The following KIRREL3 variants were observed in gnomAD, a reference collection of about 807,000 sequenced individuals.
The protein encoded by KIRREL3 is kin of IRRE-like protein 3.
KIRREL3 carries 36 observed loss-of-function variants against 89.7 expected under a neutral mutation model. The ratio of observed to expected loss-of-function variants is 0.40; its 90% confidence interval spans 0.31 to 0.53. KIRREL3 has a LOEUF of 0.53. Among genes scored for constraint, KIRREL3 ranks in the 20% least tolerant of loss-of-function variants. The pLI is 0.49. For missense variants in KIRREL3, 864 were observed against 1,056.6 expected, an observed-to-expected ratio of 0.82 and a Z score of 2.53; for synonymous variants, 445 against 441.4, an observed-to-expected ratio of 1.01 and a Z score of -0.10.
intron 1 of KIRREL3, among the ~76,000 whole-genome samples, chr11:126,599,257 C>T (rs888803237): frequency 2.7e-4 from 41 of 152,336 alleles, no homozygotes; most frequent in African/African-American, 8.9e-4. Flanking sequence ...GGAGTCTGCA[C>T]ACCCAATTTC....
chr11:126,703,603 T>C lies in KIRREL3; in HGVS notation c.56-140691A>G, dbSNP rs565811663. Among the ~76,000 whole-genome samples, 148 of 152,342 alleles carry C rather than the reference T, an allele frequency of 9.7e-4. 1 individual carries two copies. The highest frequency in any genetic ancestry group is 3.4e-3 in the Middle Eastern group (1 of 294). On this transcript the variant is annotated intron_variant, in intron 1 of 16. Transcript: ENST00000525144. The surrounding 1 kb of genome is among the most constrained non-coding windows in gnomAD (Gnocchi z 4.6). ...AGTGATGGGGCTGTAATCCAAATGC[T>C]GGGCTGGCTGACTCCTAAGTTCACA...
chr11:126,981,442 G>A lies in KIRREL3; in HGVS notation c.55+19013C>T, dbSNP rs1403221563. Among the ~76,000 whole-genome samples, 1 of 152,172 alleles carries A rather than the reference G, an allele frequency of 6.6e-6. No homozygotes were observed. Among genetic ancestry groups the A allele is most frequent in the Non-Finnish European group, 1.5e-5 (1 of 68,040 alleles). On this transcript the variant is annotated intron_variant, in intron 1 of 16. Transcript: ENST00000525144. The surrounding 1 kb of genome is among the most constrained non-coding windows in gnomAD (Gnocchi z 4.2). ...GGAAAATGCTCAGGAGGTGTTATAT[G>A]TGGTGTAGCTTAGGATTCCAGGCAG...
Position 126,687,526 on chromosome 11 carries a change from G to A in KIRREL3, c.56-124614C>T, listed in dbSNP as rs1946712144. Among the ~76,000 whole-genome samples, 1 of 152,154 alleles carries A rather than the reference G, an allele frequency of 6.6e-6. No homozygotes were observed. The highest frequency in any genetic ancestry group is 2.4e-5 in the African/African-American group (1 of 41,438). On this transcript the variant is annotated intron_variant, in intron 1 of 16. Coordinates refer to ENST00000525144, the MANE Select transcript of KIRREL3 (RefSeq NM_032531.4). This position sits in a 1 kb window ranked among gnomAD's most constrained non-coding sequence, Gnocchi z 4.6. ...GAGCTGCTAGTTCTGGAAACACTATGGGGGAAATTGCAGGGTTTTCTATTA... is the reference window on the plus strand; with the variant it reads ...GAGCTGCTAGTTCTGGAAACACTATAGGGGAAATTGCAGGGTTTTCTATTA...
intron 2 of KIRREL3, among the ~76,000 whole-genome samples, chr11:126,539,673 G>A (rs1303064503): frequency 2.0e-5 from 3 of 152,190 alleles, no homozygotes; most frequent in Non-Finnish European, 4.4e-5. Flanking sequence ...GCGCGCTTGA[G>A]GTGAGGCAGT....
At chr11:126,503,648 A>G (rs1957932757) in intron 4 of KIRREL3, among the ~76,000 whole-genome samples, 2 of 152,028 alleles carry the variant, frequency 1.3e-5, no homozygotes, top group Non-Finnish European at 2.9e-5. Flanking sequence ...TGCAACTCTA[A>G]CCTCCATTGT....
At chr11:126,698,841 C>A (rs936264837) in intron 1 of KIRREL3, among the ~76,000 whole-genome samples, 20 of 152,208 alleles carry the variant, frequency 1.3e-4, no homozygotes, top group Non-Finnish European at 2.9e-5. Context: ...GTGCACAGAG[C>A]CCAGTAGGAA....
At position 126,776,188 on chromosome 11, in the gene KIRREL3, T is replaced by TCCCTCCTGTGGCTG. The variant is rs1261930919; in HGVS notation, c.56-213290_56-213277dup. 3.3e-5 allele frequency among the ~76,000 whole-genome samples: 5 copies of TCCCTCCTGTGGCTG among 152,160 alleles called. No homozygotes were observed. The highest frequency in any genetic ancestry group is 7.4e-5 in the Non-Finnish European group (5 of 68,020). ...GGTCCAGGCTGGTTGGCAGGTGGCT[T>TCCCTCCTGTGGCTG]CCCTCCTGTGGCTGCTTTCAGGGGC... On this transcript the variant is annotated intron_variant, in intron 1 of 16. Transcript: ENST00000525144. The surrounding 1 kb of genome is among the most constrained non-coding windows in gnomAD (Gnocchi z 4.7).
chr11:126,897,331 C>T lies in KIRREL3; in HGVS notation c.55+103124G>A, dbSNP rs1214856577. Among the ~76,000 whole-genome samples, 1 of 152,102 alleles carries T rather than the reference C, an allele frequency of 6.6e-6. No individual in the cohort carries two copies. The highest frequency in any genetic ancestry group is 6.5e-5 in the Admixed American group (1 of 15,278). On this transcript the variant is annotated intron_variant, in intron 1 of 16. Transcript: ENST00000525144. This position sits in a 1 kb window ranked among gnomAD's most constrained non-coding sequence, Gnocchi z 4.2. ...GGACAGTCATGAGGGGGAGATGACA[C>T]AGTTTAGGACAGGCTTCCCTTTAAG... is the stretch of plus-strand genomic sequence containing the variant.
chr11:126,723,772 A>G lies in KIRREL3; in HGVS notation c.56-160860T>C, dbSNP rs946410231. Among the ~76,000 whole-genome samples the G allele has an allele frequency of 1.3e-5, 2 of 152,358 alleles. No individual in the cohort carries two copies. Among genetic ancestry groups the G allele is most frequent in the Admixed American group, 1.3e-4 (2 of 15,304 alleles). On this transcript the variant is annotated intron_variant, in intron 1 of 16. Transcript: ENST00000525144. The surrounding 1 kb of genome is among the most constrained non-coding windows in gnomAD (Gnocchi z 4.0). ...AATATGAAAAGAGAAGGGAAGAAGG[A>G]AAGATGGAAGGAAAAGACTTGCACA...
intron 1 of KIRREL3, among the ~76,000 whole-genome samples, chr11:126,728,300 TATC>T (rs1948471816): frequency 6.6e-6 from 1 of 151,990 alleles, no homozygotes; most frequent in Non-Finnish European, 1.5e-5. Context: ...CAGGGAGAAA[TATC>T]ACCTACCTGG....
intron 6 of KIRREL3, among the ~76,000 whole-genome samples, chr11:126,458,731 C>T (rs1169452482): frequency 2.6e-5 from 4 of 152,242 alleles, no homozygotes; most frequent in Non-Finnish European, 5.9e-5. Context: ...GGTCAGCCTG[C>T]CTGCCTTTCG....
intron 1 of KIRREL3, among the ~76,000 whole-genome samples, chr11:126,974,798 C>T (rs947746870): frequency 6.6e-5 from 10 of 152,062 alleles, no homozygotes; most frequent in African/African-American, 1.9e-4. Flanking sequence ...TTCTGCTTCC[C>T]GGGCTCAAGT....
chr11:126,897,953 G>C lies in KIRREL3; in HGVS notation c.55+102502C>G, dbSNP rs1946231547. On this transcript the variant is annotated intron_variant, in intron 1 of 16. Coordinates refer to ENST00000525144, the MANE Select transcript of KIRREL3 (RefSeq NM_032531.4). This position sits in a 1 kb window ranked among gnomAD's most constrained non-coding sequence, Gnocchi z 4.2. ...CTGCCTCTGCTTGGGAAGGGGGAGT[G>C]GGTGGGAGCTTGGACTGTCCACACT... 6.6e-6 allele frequency among the ~76,000 whole-genome samples: 1 copy of C among 152,138 alleles called. No homozygotes were observed. Among genetic ancestry groups the C allele is most frequent in the Non-Finnish European group, 1.5e-5 (1 of 68,048 alleles).
intron 1 of KIRREL3, among the ~76,000 whole-genome samples, chr11:126,942,847 T>C (rs1206062420): frequency 2.0e-5 from 3 of 152,160 alleles, no homozygotes; most frequent in African/African-American, 4.8e-5. Flanking sequence ...GCAATCTCCC[T>C]TTTCCTTCTC....
chr11:127,000,367 G>T lies in KIRREL3; in HGVS notation c.55+88C>A. 8.8e-7 allele frequency: 1 copy of T among 1,141,180 alleles called. No homozygotes were observed. The highest frequency in any genetic ancestry group is 1.5e-5 in the South Asian group (1 of 66,902). 70.7% of individuals were successfully genotyped at this position (1,141,180 alleles called of 1,614,324 possible). A position where few individuals can be genotyped will look rare whatever the true frequency, so the allele number is the denominator to read the frequency against. On this transcript the variant is annotated intron_variant, in intron 1 of 16. Transcript: ENST00000525144. This position sits in a 1 kb window ranked among gnomAD's most constrained non-coding sequence, Gnocchi z 7.1. ...GACGCATCCATCAGTCCGAGTTCCC[G>T]AAGCCTGCCCACGTTCCTGCCCACA...
chr11:126,789,954 A>C (rs774812948), intron 1 of KIRREL3, among the ~76,000 whole-genome samples: 9 of 152,156 alleles, frequency 5.9e-5, no homozygotes, highest in Non-Finnish European at 1.2e-4. Flanking sequence ...ACTATATCCG[A>C]CTGCTAACTG....
rs368817660 is a variant in KIRREL3 at position 126,847,573 on chromosome 11, T to C, written c.55+152882A>G. ...TGGAGGAACAAACTTTCAGGACTCA[T>C]GGAGAGCTGAAATGTTCATGAACAT... On this transcript the variant is annotated intron_variant, in intron 1 of 16. Transcript: ENST00000525144. Among the ~76,000 whole-genome samples the C allele has an allele frequency of 5.3e-4, 80 of 152,212 alleles. 1 individual carries two copies. The highest frequency in any genetic ancestry group is 1.8e-3 in the African/African-American group (76 of 41,532).
chr11:126,446,139 A>C (rs1250559935), intron 9 of KIRREL3, among the ~76,000 whole-genome samples: 2 of 121,508 alleles, frequency 1.6e-5, no homozygotes, highest in Non-Finnish European at 1.7e-5. Context: ...CAAGCGCAAA[A>C]CTCCATCTCA....
At chr11:126,840,715 A>G (rs989237357) in intron 1 of KIRREL3, among the ~76,000 whole-genome samples, 5 of 152,182 alleles carry the variant, frequency 3.3e-5, no homozygotes, top group Admixed American at 1.3e-4. Context: ...CCCTCTGTGC[A>G]ATTTCTCCAG....
Sources: gnomAD v4.1 joint callset for allele counts (sites outside exome capture counted in the v4.1 genomes callset) on GRCh38, gnomAD v4.1.1 for gene constraint, Gnocchi (gnomAD v3.1) non-coding constraint, MANE v1.5 for transcripts, NCBI Gene and HGNC (gene_info 2026-07-23, HGNC 2026-07-21) for gene names.